FAM81A: variants seen among roughly 807,000 people sequenced by gnomAD.
FAM81A encodes the protein protein FAM81A.
In FAM81A, 19 loss-of-function variants were observed where a neutral mutation model predicts 46.7. The ratio of observed to expected loss-of-function variants is 0.41; its 90% CI spans 0.28 to 0.60. FAM81A has a LOEUF of 0.60. FAM81A is among the 20% of genes least tolerant of loss of function. The pLI is 0.34. For synonymous variants in FAM81A, 183 were observed against 152.9 expected, an observed-to-expected ratio of 1.20 and a Z score of -1.45; for missense variants, 377 against 453.5, an observed-to-expected ratio of 0.83 and a Z score of 1.53.
At chr15:59,430,713 C>G (rs369686017) in intron 2 of FAM81A, among the ~76,000 whole-genome samples, 2 of 152,242 alleles carry the variant, frequency 1.3e-5, no homozygotes, top group East Asian at 3.9e-4. Context: ...TAGGTACACC[C>G]CAAAATGATG....
intron 1 of FAM81A, 70 bp from the exon 2 acceptor site, chr15:59,458,480 A>T: frequency 2.8e-6 from 3 of 1,060,882 alleles, no homozygotes; most frequent in Non-Finnish European, 4.1e-6. Context: ...TTAGCAACTT[A>T]ATAATAAGCT....
intron 2 of FAM81A, among the ~76,000 whole-genome samples, chr15:59,412,608 T>C (rs528414751): frequency 4.6e-5 from 7 of 152,004 alleles, no homozygotes; most frequent in African/African-American, 1.4e-4. Flanking sequence ...GCGTCTGTAG[T>C]CCCAGCTATT....
chr15:59,465,776 A>G (rs973692755), intron 3 of FAM81A, among the ~76,000 whole-genome samples: 1 of 152,036 alleles, frequency 6.6e-6, no homozygotes. Context: ...TACATGTGCC[A>G]TGTTGGTTTG....
intron 7 of FAM81A, 120 bp downstream of exon 7, chr15:59,514,544 A>G (rs1217467887): frequency 1.4e-5 from 18 of 1,282,644 alleles, no homozygotes; most frequent in Admixed American, 1.2e-4. Context: ...CTTGCCTTAA[A>G]ATCCATTTCC....
intron 4 of FAM81A, among the ~76,000 whole-genome samples, chr15:59,502,486 T>C (rs2082102992): frequency 4.1e-4 from 3 of 7,294 alleles, no homozygotes; most frequent in Middle Eastern, 0.1. Context: ...TTGACTTCAC[T>C]GTGTGTGTGT....
intron 4 of FAM81A, among the ~76,000 whole-genome samples, chr15:59,492,781 A>G (rs1415913644): frequency 6.6e-6 from 1 of 152,132 alleles, no homozygotes; most frequent in Non-Finnish European, 1.5e-5. Flanking sequence ...TCTGGGAAAG[A>G]TTGGAAACTT....
intron 1 of FAM81A, among the ~76,000 whole-genome samples, chr15:59,456,225 G>T (rs1447214139): frequency 6.6e-6 from 1 of 151,604 alleles, no homozygotes; most frequent in Non-Finnish European, 1.5e-5. Flanking sequence ...TAGAGCGCAC[G>T]CACAGAGGTG....
At chr15:59,462,092 A>G (rs542785337) in intron 3 of FAM81A, among the ~76,000 whole-genome samples, 1 of 151,554 alleles carries the variant, frequency 6.6e-6, no homozygotes, top group Non-Finnish European at 1.5e-5. Flanking sequence ...AGTCCCAGCT[A>G]CTCGGGAGGT....
chr15:59,509,345 G>A (rs946330821), intron 6 of FAM81A, among the ~76,000 whole-genome samples: 5 of 152,202 alleles, frequency 3.3e-5, no homozygotes, highest in Admixed American at 6.5e-5. Context: ...TGGTAAGTGC[G>A]TTGAAGGTTC....
intron 2 of FAM81A, among the ~76,000 whole-genome samples, chr15:59,409,886 T>A (rs1382810055): frequency 2.6e-5 from 4 of 152,156 alleles, no homozygotes; most frequent in African/African-American, 9.7e-5. Flanking sequence ...GCCACAGACA[T>A]TTTACTGTAT....
rs374277097 is a variant in FAM81A, at chr15:59,404,828, G to C, written c.-78+2470G>C. ...CTATACTGTTCAAAACTCTTCCAAT[G>C]GCTTTTCAACACATCTGAAATGAAA... is the stretch of plus-strand genomic sequence containing the variant. On this transcript the variant is annotated intron_variant, in intron 2 of 4. Transcript: ENST00000558348. Among the ~76,000 whole-genome samples, 13 of 152,298 alleles carry C rather than the reference G, an allele frequency of 8.5e-5. No individual in the cohort carries two copies. The South Asian group carries it at 1.7e-3, about 19-fold the overall frequency.
chr15:59,411,156 CT>C (rs749928707), intron 2 of FAM81A, among the ~76,000 whole-genome samples: 39 of 152,280 alleles, frequency 2.6e-4, no homozygotes, highest in Admixed American at 8.5e-4. Context: ...AGATCTTGCC[CT>C]GTGAATGACC....
At chr15:59,440,665 A>G (rs1167910577) in intron 1 of FAM81A, among the ~76,000 whole-genome samples, 2 of 152,162 alleles carry the variant, frequency 1.3e-5, no homozygotes, top group Non-Finnish European at 2.9e-5. Flanking sequence ...ACTTCAGCCT[A>G]CTTAGCTGAT....
chr15:59,432,293 C>T (rs2081223914), intron 2 of FAM81A, among the ~76,000 whole-genome samples: 1 of 152,192 alleles, frequency 6.6e-6, no homozygotes, highest in East Asian at 1.9e-4. Context: ...ATCTTCACTC[C>T]TTTGCTAGTG....
At chr15:59,472,765 A>T (rs1290698283) in intron 3 of FAM81A, among the ~76,000 whole-genome samples, 1 of 151,998 alleles carries the variant, frequency 6.6e-6, no homozygotes, top group African/African-American at 2.4e-5. Flanking sequence ...TTGTCCAATC[A>T]TTTCCATTAA....
At chr15:59,518,091 G>A (rs1287544025) in intron 8 of FAM81A, among the ~76,000 whole-genome samples, 1 of 150,802 alleles carries the variant, frequency 6.6e-6, no homozygotes, top group African/African-American at 2.4e-5. Flanking sequence ...TCCTGCCTCA[G>A]CCTCCTGAGT....
chr15:59,470,823 C>A (rs1466622163), intron 3 of FAM81A, among the ~76,000 whole-genome samples: 4 of 151,842 alleles, frequency 2.6e-5, no homozygotes, highest in African/African-American at 9.7e-5. Context: ...GAACACCCTC[C>A]TTTTTTTTCT....
chr15:59,401,793 C>A (rs954211036), intron 1 of FAM81A: 1 of 702,162 alleles, frequency 1.4e-6, no homozygotes, highest in Admixed American at 2.3e-5. Flanking sequence ...TTTGGTGTTT[C>A]TCTTTTCATG....
intron 4 of FAM81A, among the ~76,000 whole-genome samples, chr15:59,499,864 T>A (rs2082073305): frequency 6.6e-6 from 1 of 151,760 alleles, no homozygotes; most frequent in Non-Finnish European, 1.5e-5. Flanking sequence ...TTTTCATTTT[T>A]TTTTTTTTTT....
Sources: allele counts gnomAD v4.1 joint callset (sites outside exome capture counted in the v4.1 genomes callset), GRCh38; gene constraint gnomAD v4.1.1; transcripts MANE v1.5; gene names NCBI Gene and HGNC (gene_info 2026-07-23, HGNC 2026-07-21).